TMEM132C: variants seen among roughly 807,000 people sequenced by gnomAD.
TMEM132C encodes transmembrane protein 132C, also known as protein phosphatase 1, regulatory subunit 152.
In TMEM132C, 29 loss-of-function variants were observed where a neutral mutation model predicts 61.4. The observed-to-expected ratio is 0.47, with a 90% CI of 0.35 to 0.64. The LOEUF (loss-of-function observed/expected upper bound fraction) is 0.64. TMEM132C is among the 30% of genes least tolerant of loss of function. The pLI, the probability that TMEM132C is intolerant of heterozygous loss-of-function variation, is 0.00. For synonymous variants in TMEM132C, 656 were observed against 633.1 expected (o/e 1.04, Z -0.54); for missense variants, 1,408 against 1,476.9 (o/e 0.95, Z 0.76).
chr12:128,340,544 A>G (rs1872923549), intron 1 of TMEM132C, among the ~76,000 whole-genome samples: 1 of 152,210 alleles, frequency 6.6e-6, no homozygotes, highest in South Asian at 2.1e-4. Context: ...TAATGGCATT[A>G]ATAGATTAGC....
chr12:128,633,511 CTT>C (rs1030321825), intron 4 of TMEM132C, among the ~76,000 whole-genome samples: 6 of 152,170 alleles, frequency 3.9e-5, no homozygotes, highest in African/African-American at 1.4e-4. Flanking sequence ...GTTTCAAAAA[CTT>C]TTCAGTTTTA....
intron 1 of TMEM132C, among the ~76,000 whole-genome samples, chr12:128,407,858 G>A (rs917170101): frequency 2.6e-5 from 4 of 152,182 alleles, no homozygotes; most frequent in South Asian, 2.1e-4. Flanking sequence ...GTAGATAAGC[G>A]TGTAGATACA....
intron 1 of TMEM132C, among the ~76,000 whole-genome samples, chr12:128,316,103 G>C (rs1872142831): frequency 6.6e-6 from 1 of 151,922 alleles, no homozygotes; most frequent in African/African-American, 2.4e-5. Context: ...CCCCAAGCAG[G>C]AGAAAGGAGT....
chr12:128,325,383 AC>A (rs1185226555), intron 1 of TMEM132C, among the ~76,000 whole-genome samples: 1 of 152,192 alleles, frequency 6.6e-6, no homozygotes, highest in African/African-American at 2.4e-5. Context: ...AGTACAGATT[AC>A]CTTCCATAGG....
intron 1 of TMEM132C, among the ~76,000 whole-genome samples, chr12:128,311,643 T>G (rs1317962629): frequency 1.3e-5 from 2 of 152,214 alleles, no homozygotes; most frequent in African/African-American, 4.8e-5. Context: ...CCCTCTCTCC[T>G]TCGTGCAAGA....
At chr12:128,622,647 A>T (rs908509379) in intron 4 of TMEM132C, among the ~76,000 whole-genome samples, 1 of 151,770 alleles carries the variant, frequency 6.6e-6, no homozygotes, top group South Asian at 2.1e-4. Flanking sequence ...TCTGCAGGTG[A>T]TGGATGGCTT....
At chr12:128,580,293 C>A (rs371319234) in intron 3 of TMEM132C, among the ~76,000 whole-genome samples, 2 of 151,740 alleles carry the variant, frequency 1.3e-5, no homozygotes, top group African/African-American at 4.8e-5. Context: ...TGGTGGCGGG[C>A]GCCTGTAGTC....
At chr12:128,568,433 A>G (rs768285841) in intron 3 of TMEM132C, among the ~76,000 whole-genome samples, 28 of 152,262 alleles carry the variant, frequency 1.8e-4, no homozygotes, top group Non-Finnish European at 3.8e-4. Context: ...ATAGGAAGCC[A>G]AAACACATTT....
intron 2 of TMEM132C, 58 bp from the exon 3 acceptor site, chr12:128,543,899 G>A (rs982912222): frequency 2.8e-5 from 43 of 1,513,408 alleles, no homozygotes; most frequent in South Asian, 5.2e-5. Context: ...AGCTGGGCAC[G>A]TTGGAAAGGC....
chr12:128,535,348 G>C (rs977648422), intron 2 of TMEM132C, among the ~76,000 whole-genome samples: 1 of 151,294 alleles, frequency 6.6e-6, no homozygotes, highest in African/African-American at 2.4e-5. Context: ...ATCTGACAAA[G>C]GGCTAATATC....
chr12:128,403,137 C>G (rs1565925785), intron 1 of TMEM132C, among the ~76,000 whole-genome samples: 2 of 152,154 alleles, frequency 1.3e-5, no homozygotes, highest in African/African-American at 4.8e-5. Flanking sequence ...ATCAAGGTGC[C>G]TTTTGTTTCA....
chr12:128,371,488 C>G (rs1874026825), intron 1 of TMEM132C, among the ~76,000 whole-genome samples: 1 of 152,302 alleles, frequency 6.6e-6, no homozygotes, highest in East Asian at 1.9e-4. Flanking sequence ...GAGAAGCATA[C>G]TCTTTGCATT....
intron 2 of TMEM132C, among the ~76,000 whole-genome samples, chr12:128,424,195 G>A (rs907766222): frequency 1.3e-5 from 2 of 151,986 alleles, no homozygotes; most frequent in East Asian, 3.9e-4. Context: ...TGTTCTAATA[G>A]ACAAACGCCA....
At chr12:128,517,233 C>CAAATAAATAAATAAATAAAT (rs59000862) in intron 2 of TMEM132C, among the ~76,000 whole-genome samples, 8 of 142,680 alleles carry the variant, frequency 5.6e-5, no homozygotes, top group South Asian at 2.3e-4. Context: ...TCCGTCTCAA[C>CAAATAAATAAATAAATAAAT]AAATAAATAA....
chr12:128,606,334 G>T (rs936793119), intron 3 of TMEM132C, among the ~76,000 whole-genome samples: 1 of 152,300 alleles, frequency 6.6e-6, no homozygotes, highest in East Asian at 1.9e-4. Flanking sequence ...GGGTTCCCTG[G>T]AGCCACCGCC....
intron 2 of TMEM132C, among the ~76,000 whole-genome samples, chr12:128,478,200 G>T (rs75635464): frequency 6.6e-6 from 1 of 152,146 alleles, no homozygotes; most frequent in Non-Finnish European, 1.5e-5. Context: ...AGATAGACGC[G>T]TAATGAATGC....
intron 1 of TMEM132C, among the ~76,000 whole-genome samples, chr12:128,272,461 G>A (rs1870555386): frequency 6.6e-6 from 1 of 152,160 alleles, no homozygotes; most frequent in South Asian, 2.1e-4. Context: ...TATGAAAAAT[G>A]TTGCTATAAA....
chr12:128,574,226 C>G (rs1311400867), intron 3 of TMEM132C, among the ~76,000 whole-genome samples: 2 of 152,196 alleles, frequency 1.3e-5, no homozygotes, highest in African/African-American at 4.8e-5. Context: ...TTATATCGCT[C>G]AGAGCATCCT....
chr12:128,639,298 GATGATGGTGATGATGGT>G (rs1264506642), intron 4 of TMEM132C, among the ~76,000 whole-genome samples: 48 of 151,958 alleles, frequency 3.2e-4, no homozygotes, highest in African/African-American at 1.1e-3. Context: ...TGGTGATGAT[GATGATGGTGATGATGGT>G]ATGATGGTGA....
Sources: allele counts gnomAD v4.1 joint callset (sites outside exome capture counted in the v4.1 genomes callset), GRCh38; gene constraint gnomAD v4.1.1; transcripts MANE v1.5; gene names NCBI Gene and HGNC (gene_info 2026-07-23, HGNC 2026-07-21).